FARS2: variants seen among roughly 807,000 people sequenced by gnomAD.
The protein encoded by FARS2 is phenylalanine--tRNA ligase, mitochondrial.
FARS2 carries 40 observed loss-of-function variants against 46.4 expected under a neutral mutation model. The observed-to-expected ratio is 0.86, with a 90% CI of 0.67 to 1.12. The LOEUF is 1.12. Among genes scored for constraint, FARS2 ranks in the 50% most tolerant of loss-of-function variants. FARS2 has a pLI of 0.00. For synonymous variants in FARS2, 234 were observed against 214.9 expected (o/e 1.09, Z -0.78); for missense variants, 513 against 567.9 (o/e 0.90, Z 0.98).
chr6:5,382,719 T>C (rs1201306579), intron 2 of FARS2, among the ~76,000 whole-genome samples: 2 of 152,220 alleles, frequency 1.3e-5, no homozygotes, highest in African/African-American at 2.4e-5. Flanking sequence ...TTTGTTATTG[T>C]CTGTTTATAT....
intron 2 of FARS2, among the ~76,000 whole-genome samples, chr6:5,394,292 A>G: frequency 6.6e-6 from 1 of 152,230 alleles, no homozygotes; most frequent in East Asian, 1.9e-4. Flanking sequence ...CCACAAGATT[A>G]TAATGCAGCT....
chr6:5,697,313 C>T (rs531042977), intron 6 of FARS2, among the ~76,000 whole-genome samples: 2 of 152,080 alleles, frequency 1.3e-5, no homozygotes, highest in African/African-American at 4.8e-5. Context: ...GGAAACAGAC[C>T]GATGGCTGGA....
intron 6 of FARS2, among the ~76,000 whole-genome samples, chr6:5,691,905 G>A (rs1757756402): frequency 6.6e-6 from 1 of 152,152 alleles, no homozygotes; most frequent in Non-Finnish European, 1.5e-5. Context: ...CCCTCCCCTA[G>A]CCTCGCTGCC....
chr6:5,475,244 C>T (rs1766053854), intron 4 of FARS2, among the ~76,000 whole-genome samples: 4 of 152,182 alleles, frequency 2.6e-5, no homozygotes, highest in Admixed American at 2.6e-4. Flanking sequence ...ATTTCTTGGA[C>T]AGTTCTCAAA....
intron 6 of FARS2, among the ~76,000 whole-genome samples, chr6:5,743,611 T>C (rs951627323): frequency 2.0e-5 from 3 of 152,228 alleles, no homozygotes; most frequent in African/African-American, 7.2e-5. Context: ...CCATGTTCCT[T>C]CGAATGCTGT....
At chr6:5,505,570 A>G (rs932391364) in intron 4 of FARS2, among the ~76,000 whole-genome samples, 2 of 152,230 alleles carry the variant, frequency 1.3e-5, no homozygotes, top group Non-Finnish European at 2.9e-5. Flanking sequence ...TGGGGAACTA[A>G]TAAATGTCCA....
chr6:5,676,531 C>T (rs1778777657), intron 6 of FARS2, among the ~76,000 whole-genome samples: 1 of 152,146 alleles, frequency 6.6e-6, no homozygotes, highest in Non-Finnish European at 1.5e-5. Flanking sequence ...GCAGAGCTAG[C>T]AATAAGGACA....
At chr6:5,393,911 C>T (rs1760736862) in intron 2 of FARS2, among the ~76,000 whole-genome samples, 3 of 152,166 alleles carry the variant, frequency 2.0e-5, no homozygotes, top group Admixed American at 2.0e-4. Flanking sequence ...GAGCATCCTG[C>T]TATGCATTTA....
At chr6:5,334,210 G>A (rs79238459) in intron 1 of FARS2, among the ~76,000 whole-genome samples, 1,875 of 152,182 alleles carry the variant, frequency 0.012, 44 homozygotes, top group African/African-American at 0.043. Flanking sequence ...GCAGTGTAGC[G>A]GTAAAATAGT....
chr6:5,584,758 CA>C (rs779480304), intron 5 of FARS2, among the ~76,000 whole-genome samples: 4 of 152,036 alleles, frequency 2.6e-5, no homozygotes, highest in Non-Finnish European at 4.4e-5. Flanking sequence ...TCTCTGAAAA[CA>C]AAAGCTACTT....
intron 1 of FARS2, among the ~76,000 whole-genome samples, chr6:5,274,414 C>T (rs1410367687): frequency 6.6e-6 from 1 of 152,180 alleles, no homozygotes; most frequent in Non-Finnish European, 1.5e-5. Flanking sequence ...AGGAAGTTGT[C>T]TGGAAGGTTT....
At chr6:5,260,657 T>C (rs777870354), upstream of FARS2, 150 of 1,524,372 alleles carry the variant, frequency 9.8e-5, no homozygotes, top group Non-Finnish European at 1.3e-4. Flanking sequence ...CCTGTAATTG[T>C]AGGCGCTGAA....
intron 4 of FARS2, among the ~76,000 whole-genome samples, chr6:5,494,766 G>A (rs1273481145): frequency 6.6e-6 from 1 of 152,170 alleles, no homozygotes; most frequent in Admixed American, 6.5e-5. Context: ...TTCAAACATA[G>A]TCTGTACCAA....
At chr6:5,353,243 TA>T (rs1757688227) in intron 1 of FARS2, among the ~76,000 whole-genome samples, 4 of 152,258 alleles carry the variant, frequency 2.6e-5, no homozygotes, top group Admixed American at 2.6e-4. Context: ...TAATTCTTTT[TA>T]TGGCTGAATA....
chr6:5,495,391 G>A (rs1045784661), intron 4 of FARS2, among the ~76,000 whole-genome samples: 4 of 152,116 alleles, frequency 2.6e-5, no homozygotes, highest in African/African-American at 9.7e-5. Flanking sequence ...TGCTCCCAGT[G>A]GAGCCAGAAG....
At chr6:5,625,742 G>A (rs973448162) in intron 6 of FARS2, among the ~76,000 whole-genome samples, 1 of 152,194 alleles carries the variant, frequency 6.6e-6, no homozygotes, top group African/African-American at 2.4e-5. Flanking sequence ...GGAATGTGGA[G>A]GCCACAGCCT....
intron 6 of FARS2, among the ~76,000 whole-genome samples, chr6:5,656,885 T>C (rs1201092350): frequency 6.6e-6 from 1 of 152,142 alleles, no homozygotes; most frequent in East Asian, 1.9e-4. Flanking sequence ...TAAGCATACA[T>C]GTGGTGTGTC....
At chr6:5,549,737 G>A (rs1209133913) in intron 5 of FARS2, among the ~76,000 whole-genome samples, 1 of 152,158 alleles carries the variant, frequency 6.6e-6, no homozygotes, top group Non-Finnish European at 1.5e-5. Context: ...ATAAGGTAAT[G>A]TATTTCTAGG....
intron 4 of FARS2, among the ~76,000 whole-genome samples, chr6:5,531,733 C>A (rs1201163304): frequency 1.3e-5 from 2 of 152,144 alleles, no homozygotes; most frequent in African/African-American, 4.8e-5. Flanking sequence ...CTTGGAAAGT[C>A]AATCATCCGG....
Sources: allele counts gnomAD v4.1 joint callset (sites outside exome capture counted in the v4.1 genomes callset), GRCh38; gene constraint gnomAD v4.1.1; transcripts MANE v1.5; gene names NCBI Gene and HGNC (gene_info 2026-07-23, HGNC 2026-07-21).